The following C10orf90 variants were observed in gnomAD, a reference collection of about 807,000 sequenced individuals.
The protein encoded by C10orf90 is (E2-independent) E3 ubiquitin-conjugating enzyme FATS.
Under a neutral mutation model 62.5 loss-of-function variants are expected in C10orf90, and 56 were observed. The ratio of observed to expected loss-of-function variants is 0.90; its 90% CI spans 0.72 to 1.12. The LOEUF (loss-of-function observed/expected upper bound fraction) is 1.12. Among genes scored for constraint, C10orf90 ranks in the 50% most tolerant of loss-of-function variants. C10orf90 has a pLI of 0.00. For synonymous variants in C10orf90, 386 were observed against 340.4 expected (o/e 1.13, Z -1.47); for missense variants, 970 against 880.4 (o/e 1.10, Z -1.29).
At chr10:126,549,705 C>A (rs1401994312) in intron 2 of C10orf90, among the ~76,000 whole-genome samples, 1 of 150,922 alleles carries the variant, frequency 6.6e-6, no homozygotes, top group Non-Finnish European at 1.5e-5. Context: ...TACACAAAAA[C>A]CTGCATCTGA....
intron 7 of C10orf90, among the ~76,000 whole-genome samples, chr10:126,447,028 G>A (rs1045611580): frequency 6.6e-6 from 1 of 151,990 alleles, no homozygotes; most frequent in Admixed American, 6.6e-5. Flanking sequence ...TGGATACACA[G>A]CAGACAAAAG....
intron 1 of C10orf90, among the ~76,000 whole-genome samples, chr10:126,649,071 T>TCTCTCTCC (rs1455526825): frequency 2.5e-5 from 1 of 40,764 alleles, no homozygotes; most frequent in African/African-American, 1.1e-4. Context: ...TCTCTCTCTC[T>TCTCTCTCC]CCCCCCCCCC....
At chr10:126,641,989 A>T (rs1350515868) in intron 2 of C10orf90, among the ~76,000 whole-genome samples, 1 of 152,182 alleles carries the variant, frequency 6.6e-6, no homozygotes, top group Admixed American at 6.5e-5. Context: ...ATGAAAATTC[A>T]GAGATGACAT....
At chr10:126,479,520 T>C (rs1002490253) in intron 4 of C10orf90, among the ~76,000 whole-genome samples, 5 of 152,178 alleles carry the variant, frequency 3.3e-5, no homozygotes, top group African/African-American at 9.6e-5. Context: ...GAGGCCCTGA[T>C]TGTTCAATCC....
At chr10:126,600,150 A>C (rs547534694) in intron 2 of C10orf90, among the ~76,000 whole-genome samples, 2 of 152,122 alleles carry the variant, frequency 1.3e-5, no homozygotes, top group South Asian at 4.2e-4. Flanking sequence ...GTGTGTGCAC[A>C]AGTGTGTGCG....
chr10:126,502,035 AACCACACACCCAC>A (rs1458153353), intron 4 of C10orf90, among the ~76,000 whole-genome samples: 1 of 141,876 alleles, frequency 7.0e-6, no homozygotes, highest in African/African-American at 2.6e-5. Flanking sequence ...CACACCACAC[AACCACACACCCAC>A]ACCACACACA....
At chr10:126,523,817 G>A (rs184125663) in intron 2 of C10orf90, among the ~76,000 whole-genome samples, 17 of 151,042 alleles carry the variant, frequency 1.1e-4, no homozygotes, top group Middle Eastern at 3.4e-3. Context: ...TTATACAAAT[G>A]GAATCATACA....
rs79434755 is a variant in C10orf90 at position 126,455,289 on chromosome 10, C to A, written c.2188+3751G>T. ...CATAGCTAAACTGCATGTCCCCAGC[C>A]TCCTTTCTTCACTGCGTGTTCCCTT... On this transcript the variant is annotated intron_variant, in intron 7 of 9. Transcript: ENST00000488181. Among the ~76,000 whole-genome samples the A allele has an allele frequency of 4.3e-4, 65 of 152,316 alleles. 1 individual carries two copies. In the East Asian group the frequency reaches 0.011, roughly 26 times the overall value.
At chr10:126,603,941 C>T (rs566312904) in intron 2 of C10orf90, among the ~76,000 whole-genome samples, 1 of 152,142 alleles carries the variant, frequency 6.6e-6, no homozygotes, top group Non-Finnish European at 1.5e-5. Flanking sequence ...GAGGCCCTCC[C>T]CTTCGACTCA....
At chr10:126,446,338 A>C (rs1187184422) in intron 7 of C10orf90, among the ~76,000 whole-genome samples, 1 of 152,152 alleles carries the variant, frequency 6.6e-6, no homozygotes, top group Non-Finnish European at 1.5e-5. Flanking sequence ...TATCATAATC[A>C]AACTGTCACA....
chr10:126,539,257 A>G (rs1864318450), intron 2 of C10orf90, among the ~76,000 whole-genome samples: 1 of 152,226 alleles, frequency 6.6e-6, no homozygotes, highest in Non-Finnish European at 1.5e-5. Context: ...CTGTGAGTGG[A>G]ATCCATGCTA....
At chr10:126,526,296 G>A (rs991457801) in intron 2 of C10orf90, among the ~76,000 whole-genome samples, 2 of 150,042 alleles carry the variant, frequency 1.3e-5, no homozygotes, top group African/African-American at 2.5e-5. Flanking sequence ...TCAGGCTGGA[G>A]TGCAGTGGTG....
chr10:126,565,035 A>T (rs1435424282), intron 2 of C10orf90, among the ~76,000 whole-genome samples: 1 of 18,010 alleles, frequency 5.6e-5, no homozygotes, highest in Non-Finnish European at 9.2e-5. Flanking sequence ...ATATTATATA[A>T]AATATATAAT....
In C10orf90 at chr10:126,576,728, A is replaced by ATTTC. The variant is rs1564879177; in HGVS notation, c.314-62790_314-62789insGAAA. 2.8e-3 allele frequency among the ~76,000 whole-genome samples: 104 copies of ATTTC among 36,916 alleles called. 5 individuals are homozygous for ATTTC. Among genetic ancestry groups the ATTTC allele is most frequent in the Middle Eastern group, 0.032 (2 of 62 alleles). The allele number at this position is 36,916 out of a possible 152,430, so 24.2% of individuals were successfully genotyped here. On this transcript the variant is annotated intron_variant, in intron 2 of 9. Coordinates refer to ENST00000488181, the MANE Select transcript of C10orf90 (RefSeq NM_001350921.2). ...ATGTATATATATACAAGATATACAT[A>ATTTC]TATATGTATATGTATATATACATAT...
intron 2 of C10orf90, among the ~76,000 whole-genome samples, chr10:126,585,478 G>GGAGAA (rs1844851003): frequency 1.7e-5 from 1 of 59,422 alleles, no homozygotes; most frequent in Non-Finnish European, 3.5e-5. Flanking sequence ...GGAAGAGAGG[G>GGAGAA]GGAAGGAGAA....
intron 5 of C10orf90, among the ~76,000 whole-genome samples, chr10:126,463,700 C>T (rs1420870032): frequency 6.6e-6 from 1 of 152,234 alleles, no homozygotes; most frequent in African/African-American, 2.4e-5. Flanking sequence ...TTTCAAGTTC[C>T]TGCTCAAATC....
intron 2 of C10orf90, among the ~76,000 whole-genome samples, chr10:126,593,058 A>T (rs1302580336): frequency 2.0e-5 from 3 of 152,226 alleles, no homozygotes; most frequent in African/African-American, 7.2e-5. Context: ...AAGGTTGCAG[A>T]GAAAAAGGAA....
rs145138657 is a variant in C10orf90 at position 126,661,700 on chromosome 10, T to C, written c.240+8541A>G. ...TTTTTTTTTCTCTCTTGTCTTCATT[T>C]TGGAAAGTTCATTGATCTTTTCTTC... On this transcript the variant is annotated intron_variant, in intron 1 of 9. Coordinates refer to ENST00000488181, the MANE Select transcript of C10orf90 (RefSeq NM_001350921.2). 5.1e-4 allele frequency among the ~76,000 whole-genome samples: 78 copies of C among 152,192 alleles called. 1 individual carries two copies. The highest frequency in any genetic ancestry group is 3.5e-3 in the South Asian group (17 of 4,812).
At chr10:126,443,687 C>A (rs769557659) in intron 7 of C10orf90, among the ~76,000 whole-genome samples, 83 of 151,952 alleles carry the variant, frequency 5.5e-4, no homozygotes, top group Admixed American at 8.5e-4. Context: ...GCCAGCATCA[C>A]CTTAATACGA....
Sources: allele counts gnomAD v4.1 joint callset (sites outside exome capture counted in the v4.1 genomes callset), GRCh38; gene constraint gnomAD v4.1.1; transcripts MANE v1.5; gene names NCBI Gene and HGNC (gene_info 2026-07-23, HGNC 2026-07-21).